FYB1: variants seen among roughly 807,000 people sequenced by gnomAD.
FYB1 encodes FYN-binding protein 1.
FYB1 carries 41 observed loss-of-function variants against 94.1 expected under a neutral mutation model. The ratio of observed to expected loss-of-function variants is 0.44; its 90% confidence interval spans 0.34 to 0.57. The LOEUF (loss-of-function observed/expected upper bound fraction) is 0.57. FYB1 is among the 20% of genes least tolerant of loss of function. The probability of loss-of-function intolerance (pLI) is 0.02; values close to 1 mark genes in which losing one functional copy is unlikely to be tolerated. For missense variants in FYB1, 1,050 were observed against 976.8 expected, an observed-to-expected ratio of 1.07 and a Z score of -1.00; for synonymous variants, 367 against 353.2, an observed-to-expected ratio of 1.04 and a Z score of -0.44.
chr5:39,120,467 T>A (rs1248754951), intron 14 of FYB1, among the ~76,000 whole-genome samples: 2 of 152,170 alleles, frequency 1.3e-5, no homozygotes, highest in Admixed American at 6.6e-5. Context: ...CAGGATCACC[T>A]GGGAAGCTTT....
chr5:39,161,601 T>C (rs919347934), intron 2 of FYB1, among the ~76,000 whole-genome samples: 1 of 152,020 alleles, frequency 6.6e-6, no homozygotes, highest in Non-Finnish European at 1.5e-5. Context: ...TTTTTTTTTT[T>C]AAATGACAGT....
At chr5:39,240,889 T>C (rs1217327453) in intron 1 of FYB1, among the ~76,000 whole-genome samples, 1 of 152,172 alleles carries the variant, frequency 6.6e-6, no homozygotes, top group East Asian at 1.9e-4. Context: ...ATCACAGCAA[T>C]ATTCACAATA....
chr5:39,249,625 G>C (rs1332858167), intron 1 of FYB1, among the ~76,000 whole-genome samples: 1 of 152,138 alleles, frequency 6.6e-6, no homozygotes, highest in Admixed American at 6.5e-5. Context: ...AAGAGGACAA[G>C]AGCCTAAATT....
intron 12 of FYB1, among the ~76,000 whole-genome samples, chr5:39,125,329 C>T (rs574589996): frequency 2.7e-4 from 41 of 152,120 alleles, no homozygotes; most frequent in African/African-American, 8.4e-4. Context: ...TGATTAAGAT[C>T]TTTCAAATTC....
At chr5:39,142,065 A>G (rs1165836152) in intron 3 of FYB1, among the ~76,000 whole-genome samples, 2 of 152,146 alleles carry the variant, frequency 1.3e-5, no homozygotes, top group Non-Finnish European at 2.9e-5. Flanking sequence ...ATGACCATTT[A>G]TATTTTCTAT....
chr5:39,117,001 C>T (rs1465159526), intron 16 of FYB1, among the ~76,000 whole-genome samples: 1 of 152,008 alleles, frequency 6.6e-6, no homozygotes, highest in East Asian at 1.9e-4. Flanking sequence ...TCTACCATAC[C>T]AAGGGCAAGA....
intron 1 of FYB1, among the ~76,000 whole-genome samples, chr5:39,224,738 T>G (rs934910313): frequency 2.6e-5 from 4 of 152,132 alleles, no homozygotes; most frequent in African/African-American, 9.7e-5. Context: ...AGAGAAGCAT[T>G]ACGATCTGCA....
intron 1 of FYB1, among the ~76,000 whole-genome samples, chr5:39,258,290 G>A (rs113741668): frequency 0.04 from 6,134 of 152,166 alleles, 179 homozygotes; most frequent in Middle Eastern, 0.071. Flanking sequence ...GGATGAAGGG[G>A]GAAAAGAGAA....
At chr5:39,210,872 T>A (rs1480136077) in intron 1 of FYB1, among the ~76,000 whole-genome samples, 1 of 152,278 alleles carries the variant, frequency 6.6e-6, no homozygotes, top group East Asian at 1.9e-4. Flanking sequence ...TATAAATATA[T>A]ATGAGTTTCT....
At chr5:39,138,111 A>G (rs1480918880) in intron 6 of FYB1, 2 of 201,872 alleles carry the variant, frequency 9.9e-6, no homozygotes, top group Non-Finnish European at 2.0e-5. Context: ...AATTGGTTGA[A>G]TAAACACTGG....
chr5:39,242,156 ATACTTT>A (rs780648540), intron 1 of FYB1, among the ~76,000 whole-genome samples: 291 of 152,050 alleles, frequency 1.9e-3, no homozygotes, highest in Non-Finnish European at 1.5e-3. Context: ...TTTTATTATT[ATACTTT>A]AAGTTCTAGG....
At position 39,138,765 on chromosome 5, in the gene FYB1, C is replaced by T. The variant is rs1397646022; in HGVS notation, c.1360-74G>A. ...TGACACACATATTACATTGCTTAGACTTAAAATGAAGGCAACAATGTAAAT... is the reference window on the plus strand; with the variant it reads ...TGACACACATATTACATTGCTTAGATTTAAAATGAAGGCAACAATGTAAAT... On this transcript the variant is annotated intron_variant, in intron 5 of 18. Coordinates refer to ENST00000512982, the MANE Select transcript of FYB1 (RefSeq NM_001465.6). 8 of 865,522 alleles carry T rather than the reference C, an allele frequency of 9.2e-6. No homozygotes were observed. The African/African-American group carries it at 1.2e-4, about 13-fold the overall frequency. The allele number at this position is 865,522 out of a possible 1,614,324, so 53.6% of individuals were successfully genotyped here. A position where few individuals can be genotyped will look rare whatever the true frequency, so the allele number is the denominator to read the frequency against.
intron 1 of FYB1, among the ~76,000 whole-genome samples, chr5:39,265,058 G>A (rs1465000540): frequency 6.6e-6 from 1 of 152,154 alleles, no homozygotes; most frequent in Non-Finnish European, 1.5e-5. Flanking sequence ...ATTTTTGGCC[G>A]GGTTCGGTGG....
chr5:39,245,569 T>C (rs1294336126), intron 1 of FYB1, among the ~76,000 whole-genome samples: 1 of 151,596 alleles, frequency 6.6e-6, no homozygotes, highest in Admixed American at 6.6e-5. Context: ...CTGGGTTGGA[T>C]GTCCAGACAA....
Position 39,125,933 on chromosome 5 carries a change from T to A in FYB1, c.2045+65A>T, listed in dbSNP as rs1164915060. The A allele has an allele frequency of 1.1e-5, 16 of 1,468,838 alleles. No individual in the cohort carries two copies. In the South Asian group the frequency reaches 2.0e-4, roughly 18 times the overall value. The allele number at this position is 1,468,838 out of a possible 1,614,324, so 91.0% of individuals were successfully genotyped here. A position where few individuals can be genotyped will look rare whatever the true frequency, so the allele number is the denominator to read the frequency against. On this transcript the variant is annotated intron_variant, in intron 12 of 18. Coordinates refer to ENST00000512982, the MANE Select transcript of FYB1 (RefSeq NM_001465.6). ...TTGGTTATTGGTTATAGAATATTAG[T>A]AGCATTTGATTCAATACATATTAGT...
intron 2 of FYB1, among the ~76,000 whole-genome samples, chr5:39,178,230 G>T (rs1404300423): frequency 6.6e-6 from 1 of 152,148 alleles, no homozygotes; most frequent in African/African-American, 2.4e-5. Context: ...TATAATAAGA[G>T]AACTAATTTA....
At chr5:39,222,904 T>G (rs1379471635), upstream of FYB1, among the ~76,000 whole-genome samples, 1 of 152,116 alleles carries the variant, frequency 6.6e-6, no homozygotes, top group Non-Finnish European at 1.5e-5. Context: ...CTGTGTTATG[T>G]GTCTTATAAT....
At chr5:39,136,495 C>T (rs56222439) in intron 7 of FYB1, among the ~76,000 whole-genome samples, 25,005 of 152,162 alleles carry the variant, frequency 0.16, 2,466 homozygotes, top group Non-Finnish European at 0.22. Context: ...ATTTTACTTA[C>T]ATATAGCAAG....
chr5:39,142,876 G>C (rs1472246769), intron 3 of FYB1, among the ~76,000 whole-genome samples: 1 of 152,082 alleles, frequency 6.6e-6, no homozygotes, highest in Non-Finnish European at 1.5e-5. Context: ...TGGCCATTTT[G>C]CCCTCTTTGA....
Sources: gnomAD v4.1 joint callset for allele counts (sites outside exome capture counted in the v4.1 genomes callset) on GRCh38, gnomAD v4.1.1 for gene constraint, MANE v1.5 for transcripts, NCBI Gene and HGNC (gene_info 2026-07-23, HGNC 2026-07-21) for gene names.